The following PRDX6 variants were observed in gnomAD, a reference collection of about 807,000 sequenced individuals.
PRDX6 encodes peroxiredoxin-6.
Under a neutral mutation model 20.0 loss-of-function variants are expected in PRDX6, and 13 were observed. The observed-to-expected ratio is 0.65, with a 90% CI of 0.42 to 1.03. PRDX6 has a LOEUF of 1.03. PRDX6 is among the 50% of genes least tolerant of loss of function. The pLI, the probability that PRDX6 is intolerant of heterozygous loss-of-function variation, is 0.00. For missense variants in PRDX6, 203 were observed against 276.9 expected, an observed-to-expected ratio of 0.73 and a Z score of 1.89; for synonymous variants, 85 against 100.8, an observed-to-expected ratio of 0.84 and a Z score of 0.94.
At chr1:173,481,709 C>T (rs887084633) in intron 2 of PRDX6, 1 of 492,300 alleles carries the variant, frequency 2.0e-6, no homozygotes, top group African/African-American at 2.0e-5. Context: ...CAGCTGATCA[C>T]TGTACCTCCT....
In PRDX6 at chr1:173,481,310, T is replaced by G. The variant is rs1658797370; in HGVS notation, c.96-16T>G. 1.9e-6 allele frequency: 3 copies of G among 1,608,326 alleles called. No individual in the cohort carries two copies. In the East Asian group the frequency reaches 6.7e-5, roughly 36 times the overall value. Reference sequence around the variant, plus strand: ...AACTCTTAATTCAATTGTGACCTTGTTTTTCTTCCTTTCAGATGGGGCATT... The same window carrying G: ...AACTCTTAATTCAATTGTGACCTTGGTTTTCTTCCTTTCAGATGGGGCATT... On this transcript the variant is annotated splice_polypyrimidine_tract_variant and intron_variant, in intron 1 of 4. Transcript: ENST00000340385.
intron 1 of PRDX6, 48 bp from the exon 2 acceptor site, chr1:173,481,278 T>C: frequency 6.5e-7 from 1 of 1,535,056 alleles, no homozygotes; most frequent in African/African-American, 1.4e-5. Flanking sequence ...TCTGTGATGT[T>C]GGTGATAACT....
chr1:173,479,124 T>TA (rs1658760301), intron 1 of PRDX6, among the ~76,000 whole-genome samples: 1 of 152,234 alleles, frequency 6.6e-6, no homozygotes, highest in South Asian at 2.1e-4. Context: ...TGCCAACAGT[T>TA]ATAAATGCTG....
At chr1:173,479,793 A>G (rs1658771191) in intron 1 of PRDX6, among the ~76,000 whole-genome samples, 1 of 152,242 alleles carries the variant, frequency 6.6e-6, no homozygotes, top group Non-Finnish European at 1.5e-5. Flanking sequence ...ATTTGTAGCC[A>G]TGAGGTAAAC....
chr1:173,488,065 A>G lies in PRDX6; in HGVS notation c.*202A>G. The G allele has an allele frequency of 3.4e-6, 2 of 586,240 alleles. No individual in the cohort carries two copies. The allele number at this position is 586,240 out of a possible 1,614,324, so 36.3% of individuals were successfully genotyped here. ...CTGCCTTCAGCAATCAATTCCATTCATACATCAGCACTCTGCTGGTTCTGT... is the reference window on the plus strand; with the variant it reads ...CTGCCTTCAGCAATCAATTCCATTCGTACATCAGCACTCTGCTGGTTCTGT... On this transcript the variant is annotated 3_prime_UTR_variant, in exon 5 of 5. Coordinates refer to ENST00000340385, the MANE Select transcript of PRDX6 (RefSeq NM_004905.3).
At chr1:173,480,878 G>T (rs1571395871) in intron 1 of PRDX6, among the ~76,000 whole-genome samples, 1 of 152,180 alleles carries the variant, frequency 6.6e-6, no homozygotes, top group Non-Finnish European at 1.5e-5. Context: ...TCAGGCATTT[G>T]TTTGGATTCA....
chr1:173,477,548 G>C, intron 1 of PRDX6, 56 bp downstream of exon 1: 2 of 1,408,374 alleles, frequency 1.4e-6, no homozygotes, highest in South Asian at 1.2e-5. Context: ...ACTCGGAGGT[G>C]CCTTCCCTGT....
At chr1:173,480,065 A>T (rs1302523108) in intron 1 of PRDX6, among the ~76,000 whole-genome samples, 1 of 152,196 alleles carries the variant, frequency 6.6e-6, no homozygotes, top group Non-Finnish European at 1.5e-5. Context: ...ACTCATAGTG[A>T]TATTATCTAC....
At chr1:173,479,886 A>G (rs1658772737) in intron 1 of PRDX6, among the ~76,000 whole-genome samples, 1 of 152,194 alleles carries the variant, frequency 6.6e-6, no homozygotes, top group South Asian at 2.1e-4. Context: ...AACAGTCTTT[A>G]TGGACTCACA....
At chr1:173,486,506 T>A in intron 4 of PRDX6, 105 bp downstream of exon 4, 1 of 1,250,458 alleles carries the variant, frequency 8.0e-7, no homozygotes, top group Non-Finnish European at 1.1e-6. Context: ...GCAAGTACAC[T>A]GGGAGGATTT....
chr1:173,485,596 G>A, intron 3 of PRDX6, 89 bp downstream of exon 3: 1 of 1,176,208 alleles, frequency 8.5e-7, no homozygotes, highest in Non-Finnish European at 1.1e-6. Context: ...GGAGATAGGG[G>A]AATATCTACG....
chr1:173,485,789 C>T lies in PRDX6; in HGVS notation c.399+282C>T, dbSNP rs535757352. ...TTTCATAGCTCTCCTGACTGCTCTC[C>T]TGACCGCCCTGTCTTTAAAGTGATG... On this transcript the variant is annotated intron_variant, in intron 3 of 4. Transcript: ENST00000340385. 4.5e-4 allele frequency among the ~76,000 whole-genome samples: 69 copies of T among 152,304 alleles called. 1 individual carries two copies. The highest frequency in any genetic ancestry group is 1.6e-3 in the African/African-American group (68 of 41,544).
In PRDX6 at chr1:173,488,407, A is replaced by G. The variant is rs1412023900; in HGVS notation, c.*544A>G. On this transcript the variant is annotated 3_prime_UTR_variant, in exon 5 of 5. Transcript: ENST00000340385. ...TAGAATAACCCAGATGCTCTTTCAT[A>G]TTCTTTTAATACATCTTGATCACAG... The G allele has an allele frequency of 6.6e-6, 1 of 151,870 alleles. No individual in the cohort carries two copies. The highest frequency in any genetic ancestry group is 1.5e-5 in the Non-Finnish European group (1 of 67,950). 9.4% of individuals were successfully genotyped at this position (151,870 alleles called of 1,614,324 possible). A position where few individuals can be genotyped will look rare whatever the true frequency, so the allele number is the denominator to read the frequency against.
At chr1:173,486,458 T>C (rs1658900129) in intron 4 of PRDX6, 57 bp downstream of exon 4, 1 of 1,542,372 alleles carries the variant, frequency 6.5e-7, no homozygotes, top group South Asian at 1.2e-5. Flanking sequence ...AGTCTCTAAA[T>C]GGCCAACTTC....
rs1658741077 is a variant in PRDX6, at chr1:173,478,341, T to G, written c.95+849T>G. Among the ~76,000 whole-genome samples the G allele has an allele frequency of 1.3e-5, 2 of 152,300 alleles. 1 individual carries two copies. Among genetic ancestry groups the G allele is most frequent in the South Asian group, 4.1e-4 (2 of 4,828 alleles). On this transcript the variant is annotated intron_variant, in intron 1 of 4. Coordinates refer to ENST00000340385, the MANE Select transcript of PRDX6 (RefSeq NM_004905.3). ...TGGCCGTTCCAGGCTCCAGGACACG[T>G]GTACTCCCCAACTTTGAGACTCTCT...
rs748067892 is a variant in PRDX6, at chr1:173,485,421, G to T, written c.313G>T (p.Asp105Tyr). ...TEKLPFPIID[D>Y]RNRELAILLG... ...AAAGTTACCTTTTCCCATCATCGAT[G>T]ATAGGAATCGGGAGCTTGCCATCCT... The change falls in exon 3 of 5, where the codon GAT becomes TAT. Residue 105 changes from aspartate to tyrosine, a missense_variant. Asp to Tyr is a radical substitution (Grantham distance 160, BLOSUM62 -3). Coordinates refer to ENST00000340385, the MANE Select transcript of PRDX6 (RefSeq NM_004905.3). 2 of 1,610,670 alleles carry T rather than the reference G, an allele frequency of 1.2e-6. No individual in the cohort carries two copies. Among genetic ancestry groups the T allele is most frequent in the Non-Finnish European group, 8.5e-7 (1 of 1,178,364 alleles).
intron 1 of PRDX6, among the ~76,000 whole-genome samples, chr1:173,477,773 G>T (rs575556955): frequency 6.6e-6 from 1 of 152,230 alleles, no homozygotes; most frequent in African/African-American, 2.4e-5. Flanking sequence ...CGCCAAGGTG[G>T]GGGGTGGGGA....
rs1163174137 is a variant in PRDX6 at position 173,485,469 on chromosome 1, GAGA to G, written c.364_366del (p.Lys122del). 3.1e-6 allele frequency: 5 copies of G among 1,608,814 alleles called. No individual in the cohort carries two copies. The highest frequency in any genetic ancestry group is 1.3e-5 in the African/African-American group (1 of 74,848). On this transcript the variant is annotated inframe_deletion, in exon 3 of 5. Coordinates refer to ENST00000340385, the MANE Select transcript of PRDX6 (RefSeq NM_004905.3). ...CCTGTTGGGCATGCTGGATCCAGCA[GAGA>G]AGGATGAAAAGGGCATGCCTGTGAC...
Position 173,488,509 on chromosome 1 carries a change from T to C in PRDX6, c.*646T>C, listed in dbSNP as rs1397161860. On this transcript the variant is annotated 3_prime_UTR_variant, in exon 5 of 5. Transcript: ENST00000340385. ...GAGCAGGGAAAGAGACCTTTAAATA[T>C]TTTGCTATAAAAAAATTTGTGATAA... The C allele has an allele frequency of 6.6e-6, 1 of 152,176 alleles. No individual in the cohort carries two copies. The highest frequency in any genetic ancestry group is 1.5e-5 in the Non-Finnish European group (1 of 68,030). 9.4% of individuals were successfully genotyped at this position (152,176 alleles called of 1,614,324 possible).
Sources: gnomAD v4.1 joint callset for allele counts (sites outside exome capture counted in the v4.1 genomes callset) on GRCh38, gnomAD v4.1.1 for gene constraint, MANE v1.5 for transcripts, NCBI Gene and HGNC (gene_info 2026-07-23, HGNC 2026-07-21) for gene names.